The following PRTFDC1 variants were observed in gnomAD, a reference collection of about 807,000 sequenced individuals.
PRTFDC1 encodes the protein phosphoribosyltransferase domain-containing protein 1.
PRTFDC1 carries 38 observed loss-of-function variants against 34.6 expected under a neutral mutation model. The ratio of observed to expected loss-of-function variants is 1.10; its 90% CI spans 0.85 to 1.44. The LOEUF (loss-of-function observed/expected upper bound fraction) is 1.44, where lower values mean the gene tolerates loss of function less well. PRTFDC1 is among the 40% of genes most tolerant of loss of function. The probability of loss-of-function intolerance (pLI) is 0.00; values close to 1 mark genes in which losing one functional copy is unlikely to be tolerated. For synonymous variants in PRTFDC1, 93 were observed against 98.1 expected (o/e 0.95, Z 0.31); for missense variants, 270 against 283.0 (o/e 0.95, Z 0.33).
At chr10:24,910,653 A>G (rs1848612715) in intron 3 of PRTFDC1, among the ~76,000 whole-genome samples, 1 of 152,216 alleles carries the variant, frequency 6.6e-6, no homozygotes, top group African/African-American at 2.4e-5. Flanking sequence ...CTACAAAATA[A>G]TGCAAGCCCA....
At chr10:24,901,550 C>T (rs1037975891) in intron 3 of PRTFDC1, among the ~76,000 whole-genome samples, 1 of 152,030 alleles carries the variant, frequency 6.6e-6, no homozygotes, top group African/African-American at 2.4e-5. Flanking sequence ...CATAGCAAGA[C>T]TCTGTCTCTA....
In PRTFDC1 at chr10:24,937,359, C is replaced by T. The variant is rs895278797; in HGVS notation, c.164G>A (p.Arg55Gln). 1.9e-5 allele frequency: 31 copies of T among 1,605,402 alleles called. No individual in the cohort carries two copies. Among genetic ancestry groups the T allele is most frequent in the Non-Finnish European group, 2.3e-5 (27 of 1,177,422 alleles). ...GTCTTTCATAATATCCTTGGCCAGC[C>T]GCTCAATTCTGAAAGAAGGATAAAA... ...PHGIIVDRIE[R>Q]LAKDIMKDIG... is the part of the protein sequence containing the mutation. The change falls in exon 3 of 9, where the codon CGG (arginine) becomes CAG (glutamine). Residue 55 changes from arginine to glutamine, a missense_variant. Coordinates refer to ENST00000320152, the MANE Select transcript of PRTFDC1 (RefSeq NM_020200.7).
intron 2 of PRTFDC1, among the ~76,000 whole-genome samples, chr10:24,939,319 A>G (rs1849109962): frequency 6.6e-6 from 1 of 151,418 alleles, no homozygotes; most frequent in Non-Finnish European, 1.5e-5. Context: ...AAAAAAAAAA[A>G]AGTAGAATTT....
intron 3 of PRTFDC1, chr10:24,908,174 G>C (rs1848565295): frequency 4.6e-6 from 1 of 219,326 alleles, no homozygotes; most frequent in African/African-American, 2.2e-5. Flanking sequence ...CCCAGGGCCT[G>C]GGGCTACATC....
At chr10:24,886,379 G>C (rs947648620) in intron 3 of PRTFDC1, among the ~76,000 whole-genome samples, 9 of 152,172 alleles carry the variant, frequency 5.9e-5, no homozygotes, top group African/African-American at 2.2e-4. Flanking sequence ...CTTTGCCCAA[G>C]TTCCCACAGC....
At chr10:24,907,520 C>T (rs555448437) in intron 3 of PRTFDC1, among the ~76,000 whole-genome samples, 38 of 152,258 alleles carry the variant, frequency 2.5e-4, no homozygotes, top group African/African-American at 8.7e-4. Context: ...CACTTGAACC[C>T]GGGAGATGGA....
At chr10:24,921,855 T>C (rs1199359907) in intron 3 of PRTFDC1, among the ~76,000 whole-genome samples, 2 of 152,134 alleles carry the variant, frequency 1.3e-5, no homozygotes, top group Non-Finnish European at 2.9e-5. Flanking sequence ...ATTACCTGAG[T>C]GATTAACAAT....
intron 3 of PRTFDC1, among the ~76,000 whole-genome samples, chr10:24,918,345 CAT>C (rs1848728959): frequency 6.6e-6 from 1 of 152,068 alleles, no homozygotes; most frequent in Non-Finnish European, 1.5e-5. Context: ...CATATCATAT[CAT>C]ATTATATATA....
chr10:24,915,650 G>C (rs141288442), intron 3 of PRTFDC1, among the ~76,000 whole-genome samples: 1 of 152,262 alleles, frequency 6.6e-6, no homozygotes, highest in Non-Finnish European at 1.5e-5. Context: ...TGCTAACTAT[G>C]GTGGTCAACA....
chr10:24,949,734 TA>T (rs1443635077), intron 1 of PRTFDC1, among the ~76,000 whole-genome samples: 3 of 115,392 alleles, frequency 2.6e-5, no homozygotes, highest in Non-Finnish European at 6.0e-5. Flanking sequence ...TTTATTTATT[TA>T]TTTATTTTTT....
chr10:24,858,789 T>C lies in PRTFDC1; in HGVS notation c.406-380A>G, dbSNP rs535609776. 2.6e-5 allele frequency among the ~76,000 whole-genome samples: 4 copies of C among 152,270 alleles called. No homozygotes were observed. The South Asian group carries it at 6.2e-4, about 24-fold the overall frequency. On this transcript the variant is annotated intron_variant, in intron 4 of 8. Transcript: ENST00000320152. Reference sequence around the variant, plus strand: ...AATGCAACATGAACTGCATTGCTAATGGAGACCGTGCTCGGTAAATGCATC... The same window carrying C: ...AATGCAACATGAACTGCATTGCTAACGGAGACCGTGCTCGGTAAATGCATC...
chr10:24,888,285 T>C (rs1848203286), intron 3 of PRTFDC1, among the ~76,000 whole-genome samples: 1 of 152,236 alleles, frequency 6.6e-6, no homozygotes, highest in Non-Finnish European at 1.5e-5. Flanking sequence ...GGTGTAGGAC[T>C]CAAAGAGTGG....
At chr10:24,884,743 C>T (rs72780351) in intron 3 of PRTFDC1, among the ~76,000 whole-genome samples, 16,418 of 152,182 alleles carry the variant, frequency 0.11, 1,137 homozygotes, top group Non-Finnish European at 0.15. Flanking sequence ...AAAAGAACAG[C>T]CTACCTGGGG....
intron 3 of PRTFDC1, among the ~76,000 whole-genome samples, chr10:24,882,578 T>G (rs1282688425): frequency 1.3e-5 from 2 of 152,228 alleles, no homozygotes; most frequent in African/African-American, 2.4e-5. Context: ...CTGTTATGTC[T>G]GAGTGATTCC....
At chr10:24,851,769 G>A (rs1056874570) in intron 7 of PRTFDC1, among the ~76,000 whole-genome samples, 26 of 151,762 alleles carry the variant, frequency 1.7e-4, no homozygotes, top group Admixed American at 1.7e-3. Flanking sequence ...ATTGAGTCAC[G>A]TGGCCCTGGT....
At chr10:24,870,279 C>T (rs113488324) in intron 4 of PRTFDC1, among the ~76,000 whole-genome samples, 1 of 151,976 alleles carries the variant, frequency 6.6e-6, no homozygotes, top group African/African-American at 2.4e-5. Context: ...GGCTAATTTT[C>T]GTATTTTTAG....
At chr10:24,935,534 G>A (rs1256602437) in intron 3 of PRTFDC1, among the ~76,000 whole-genome samples, 1 of 152,150 alleles carries the variant, frequency 6.6e-6, no homozygotes, top group Non-Finnish European at 1.5e-5. Context: ...TGAGGAATGT[G>A]GAAGACAGAT....
intron 4 of PRTFDC1, among the ~76,000 whole-genome samples, chr10:24,863,313 G>A (rs550654460): frequency 9.0e-4 from 137 of 152,192 alleles, no homozygotes; most frequent in Non-Finnish European, 1.7e-3. Flanking sequence ...AAATGGAGCA[G>A]CAAAGCCTGT....
chr10:24,861,667 A>G (rs1286414543), intron 4 of PRTFDC1, among the ~76,000 whole-genome samples: 3 of 151,982 alleles, frequency 2.0e-5, no homozygotes, highest in Admixed American at 1.3e-4. Flanking sequence ...TCTGCTTGTT[A>G]CTTTTTTATT....
Sources: allele counts gnomAD v4.1 joint callset (sites outside exome capture counted in the v4.1 genomes callset), GRCh38; gene constraint gnomAD v4.1.1; transcripts MANE v1.5; gene names NCBI Gene and HGNC (gene_info 2026-07-23, HGNC 2026-07-21).